The following PDE3B variants were observed in gnomAD, a reference collection of about 807,000 sequenced individuals.
The protein encoded by PDE3B is cGMP-inhibited 3',5'-cyclic phosphodiesterase 3B.
In PDE3B, 66 loss-of-function variants were observed where a neutral mutation model predicts 116.8. The ratio of observed to expected loss-of-function variants is 0.56; its 90% CI spans 0.46 to 0.69. The LOEUF (loss-of-function observed/expected upper bound fraction) is 0.69. Ranked by LOEUF, PDE3B falls within the 30% of genes least tolerant of loss-of-function variation. PDE3B has a pLI of 0.00. For synonymous variants in PDE3B, 595 were observed against 533.6 expected (o/e 1.12, Z -1.59); for missense variants, 1,384 against 1,368.1 (o/e 1.01, Z -0.18).
chr11:14,766,748 G>T (rs1156785789), intron 1 of PDE3B, among the ~76,000 whole-genome samples: 1 of 151,076 alleles, frequency 6.6e-6, no homozygotes, highest in Non-Finnish European at 1.5e-5. Context: ...TTCTTGATGT[G>T]CAGACAACTG....
At chr11:14,801,990 G>A (rs1005749582) in intron 4 of PDE3B, among the ~76,000 whole-genome samples, 6 of 152,202 alleles carry the variant, frequency 3.9e-5, no homozygotes, top group African/African-American at 1.4e-4. Context: ...CACCAAGCTT[G>A]AGCATCCCAG....
chr11:14,768,168 C>T (rs971277513), intron 1 of PDE3B, among the ~76,000 whole-genome samples: 2 of 151,494 alleles, frequency 1.3e-5, no homozygotes, highest in Admixed American at 6.6e-5. Flanking sequence ...TCTCTAGTCA[C>T]TTTGTCTACT....
At chr11:14,651,467 G>A (rs1438210158) in intron 1 of PDE3B, among the ~76,000 whole-genome samples, 1 of 152,144 alleles carries the variant, frequency 6.6e-6, no homozygotes, top group East Asian at 1.9e-4. Context: ...GAAAACTAAA[G>A]CTACGTAAAA....
intron 4 of PDE3B, among the ~76,000 whole-genome samples, chr11:14,794,319 C>CTT (rs11333119): frequency 1.5e-5 from 2 of 136,424 alleles, no homozygotes; most frequent in Non-Finnish European, 3.2e-5. Flanking sequence ...TTTTTCTTTT[C>CTT]TTTTTTTTTT....
At chr11:14,827,806 A>G (rs1859745734) in intron 7 of PDE3B, among the ~76,000 whole-genome samples, 1 of 152,194 alleles carries the variant, frequency 6.6e-6, no homozygotes, top group African/African-American at 2.4e-5. Flanking sequence ...ACAAAACTAG[A>G]AAAAGCTATT....
intron 1 of PDE3B, among the ~76,000 whole-genome samples, chr11:14,741,155 T>G (rs1204709192): frequency 6.6e-6 from 1 of 152,104 alleles, no homozygotes; most frequent in Non-Finnish European, 1.5e-5. Context: ...TTGAATTTCC[T>G]TGTTGATTTT....
chr11:14,660,674 C>T (rs1408166763), intron 1 of PDE3B, among the ~76,000 whole-genome samples: 1 of 151,928 alleles, frequency 6.6e-6, no homozygotes, highest in Non-Finnish European at 1.5e-5. Context: ...TTCTAATATG[C>T]CTTACATTAG....
chr11:14,861,966 T>C (rs544453634), intron 14 of PDE3B, among the ~76,000 whole-genome samples: 214 of 152,304 alleles, frequency 1.4e-3, no homozygotes, highest in African/African-American at 4.9e-3. Context: ...ATACACAGTG[T>C]GTTTACTGAA....
chr11:14,665,196 G>A (rs1334501476), intron 1 of PDE3B, among the ~76,000 whole-genome samples: 2 of 152,144 alleles, frequency 1.3e-5, no homozygotes, highest in South Asian at 2.1e-4. Flanking sequence ...ATGCAGAAAA[G>A]TCCTTTGACA....
chr11:14,868,117 T>C (rs962263371), intron 15 of PDE3B, among the ~76,000 whole-genome samples: 7 of 152,236 alleles, frequency 4.6e-5, no homozygotes, highest in Non-Finnish European at 1.0e-4. Flanking sequence ...TCAACAGTCA[T>C]GTTTTGAGTA....
chr11:14,737,358 C>T (rs1856631539), intron 1 of PDE3B, among the ~76,000 whole-genome samples: 1 of 152,132 alleles, frequency 6.6e-6, no homozygotes, highest in Non-Finnish European at 1.5e-5. Context: ...GCCACTATGC[C>T]CAGCTAATTT....
At chr11:14,679,462 A>G (rs1192168893) in intron 1 of PDE3B, among the ~76,000 whole-genome samples, 1 of 152,096 alleles carries the variant, frequency 6.6e-6, no homozygotes, top group Non-Finnish European at 1.5e-5. Flanking sequence ...GACACCAAGA[A>G]CCTAGACGCC....
intron 1 of PDE3B, among the ~76,000 whole-genome samples, chr11:14,650,205 T>G (rs1019730755): frequency 7.3e-5 from 11 of 151,220 alleles, no homozygotes; most frequent in African/African-American, 2.7e-4. Context: ...AGCAATGTTT[T>G]TTTTTTTTTT....
intron 11 of PDE3B, among the ~76,000 whole-genome samples, 180 bp from the exon 12 acceptor site, chr11:14,843,647 C>T (rs1368910681): frequency 1.3e-5 from 2 of 152,124 alleles, no homozygotes; most frequent in East Asian, 1.9e-4. Context: ...AACACTGTTC[C>T]TCTCTACTAA....
the PDE3B span, chr11:14,891,820 C>T: frequency 3.1e-6 from 3 of 972,088 alleles, no homozygotes; most frequent in Non-Finnish European, 3.7e-6. Flanking sequence ...AGGACTTCTC[C>T]CTTCCAGACC....
intron 1 of PDE3B, among the ~76,000 whole-genome samples, chr11:14,682,293 T>C (rs1854734197): frequency 6.6e-6 from 1 of 152,208 alleles, no homozygotes; most frequent in Non-Finnish European, 1.5e-5. Context: ...TGTCTGTCAA[T>C]AGGACAGTTT....
intron 1 of PDE3B, among the ~76,000 whole-genome samples, chr11:14,702,829 T>G (rs552905220): frequency 6.6e-6 from 1 of 151,930 alleles, no homozygotes; most frequent in East Asian, 1.9e-4. Flanking sequence ...AATTGTACCA[T>G]GGAGGTTCAG....
the PDE3B span, chr11:14,891,090 CAGG>C: frequency 1.0e-6 from 1 of 985,410 alleles, no homozygotes; most frequent in Non-Finnish European, 1.2e-6. Context: ...CAAAACAAAA[CAGG>C]TGAGCTCTGT....
At chr11:14,879,572 T>C in the PDE3B span, 27 of 664,140 alleles carry the variant, frequency 4.1e-5, no homozygotes, top group East Asian at 7.3e-4. Context: ...CAGATTCAGA[T>C]TTTTTATTAT....
Sources: allele counts gnomAD v4.1 joint callset (sites outside exome capture counted in the v4.1 genomes callset), GRCh38; gene constraint gnomAD v4.1.1; transcripts MANE v1.5; gene names NCBI Gene and HGNC (gene_info 2026-07-23, HGNC 2026-07-21).